Variants in RAG1 observed in about 807,000 individuals in gnomAD.
RAG1 encodes recombination activating 1, also known as V(D)J recombination-activating protein 1.
A neutral mutation model predicts 62.7 loss-of-function variants in RAG1; 35 were observed. The ratio of observed to expected loss-of-function variants is 0.56; its 90% CI spans 0.43 to 0.74. The LOEUF (loss-of-function observed/expected upper bound fraction) is 0.74. Ranked by LOEUF, RAG1 falls within the 30% of genes least tolerant of loss-of-function variation. RAG1 has a pLI of 0.00. For synonymous variants in RAG1, 461 were observed against 470.3 expected, an observed-to-expected ratio of 0.98 and a Z score of 0.26; for missense variants, 1,169 against 1,278.6, an observed-to-expected ratio of 0.91 and a Z score of 1.31.
At chr11:36,550,853 A>G (rs1307841810) in intron 3 of RAG1, among the ~76,000 whole-genome samples, 1 of 152,084 alleles carries the variant, frequency 6.6e-6, no homozygotes, top group African/African-American at 2.4e-5. Context: ...GTTCATATCA[A>G]TCCCACAGAA....
chr11:36,542,714 A>G (rs1166788482), intron 3 of RAG1, among the ~76,000 whole-genome samples: 1 of 152,230 alleles, frequency 6.6e-6, no homozygotes, highest in Admixed American at 6.5e-5. Flanking sequence ...ACTTTCAGTC[A>G]TATGAACTAG....
intron 3 of RAG1, among the ~76,000 whole-genome samples, chr11:36,545,050 G>A (rs1445045795): frequency 2.6e-5 from 4 of 152,110 alleles, no homozygotes; most frequent in African/African-American, 9.7e-5. Context: ...ATTACATTCC[G>A]TTGAAAAGAT....
At chr11:36,522,724 A>T (rs893180415) in intron 2 of RAG1, among the ~76,000 whole-genome samples, 1 of 152,194 alleles carries the variant, frequency 6.6e-6, no homozygotes, top group Non-Finnish European at 1.5e-5. Context: ...CTGTGAAAGC[A>T]ACTGGGAGGG....
Position 36,513,103 on chromosome 11 carries a change from G to T in RAG1, n.330+2065G>T, listed in dbSNP as rs192695146. ...CTTATAAAGGGACAAGTTTGGTTCA[G>T]CCCCGTCTTTCTCTCCATCTCTTTC... On this transcript the variant is annotated intron_variant and non_coding_transcript_variant, in intron 1 of 2. Coordinates refer to the RAG1 transcript ENST00000529126. 1.1e-4 allele frequency among the ~76,000 whole-genome samples: 16 copies of T among 152,272 alleles called. No homozygotes were observed. The East Asian group carries it at 2.5e-3, about 24-fold the overall frequency.
intron 1 of RAG1, among the ~76,000 whole-genome samples, chr11:36,514,721 T>G (rs1284951999): frequency 6.6e-6 from 1 of 152,200 alleles, no homozygotes; most frequent in African/African-American, 2.4e-5. Context: ...GGGTTTGTGC[T>G]CTTGTGAGAA....
intron 3 of RAG1, among the ~76,000 whole-genome samples, chr11:36,558,767 A>C (rs577098912): frequency 6.6e-6 from 1 of 152,220 alleles, no homozygotes; most frequent in East Asian, 1.9e-4. Context: ...ATTCACTTTC[A>C]ATGTTATTAT....
chr11:36,539,456 TCTG>T (rs1860381403), downstream of RAG1, among the ~76,000 whole-genome samples: 1 of 152,204 alleles, frequency 6.6e-6, no homozygotes, highest in South Asian at 2.1e-4. Context: ...AGAGACTTCT[TCTG>T]GGGATCTTGC....
intron 3 of RAG1, among the ~76,000 whole-genome samples, chr11:36,548,481 GACAA>G (rs1340888858): frequency 7.2e-5 from 11 of 152,192 alleles, no homozygotes; most frequent in Middle Eastern, 3.4e-3. Flanking sequence ...AGCAATAATA[GACAA>G]ACAGAGAGCC....
intron 1 of RAG1, among the ~76,000 whole-genome samples, chr11:36,519,622 G>C (rs1458140789): frequency 6.6e-6 from 1 of 152,126 alleles, no homozygotes; most frequent in African/African-American, 2.4e-5. Flanking sequence ...ATGACTTTAA[G>C]AAGGATTCCT....
At chr11:36,548,881 G>A (rs777752922) in intron 3 of RAG1, among the ~76,000 whole-genome samples, 4 of 152,064 alleles carry the variant, frequency 2.6e-5, no homozygotes, top group African/African-American at 7.2e-5. Context: ...TATACTACAA[G>A]GCTACAGGAA....
chr11:36,577,756 T>C lies in RAG1; in HGVS notation c.*1320T>C, dbSNP rs1241937828. The C allele has an allele frequency of 1.2e-5, 2 of 167,114 alleles. No homozygotes were observed. Among genetic ancestry groups the C allele is most frequent in the Admixed American group, 1.3e-4 (2 of 15,284 alleles). The allele number at this position is 167,114 out of a possible 1,614,324, so 10.4% of individuals were successfully genotyped here. A position where few individuals can be genotyped will look rare whatever the true frequency, so the allele number is the denominator to read the frequency against. ...TTGGAAATTTAACACAGTCCTTTTG[T>C]CTCCAAAGCCCTTCTTCTTTCCACC... On this transcript the variant is annotated 3_prime_UTR_variant, in exon 2 of 2. Coordinates refer to ENST00000299440, the MANE Select transcript of RAG1 (RefSeq NM_000448.3).
At chr11:36,546,285 G>A (rs1232423699) in intron 3 of RAG1, among the ~76,000 whole-genome samples, 1 of 152,138 alleles carries the variant, frequency 6.6e-6, no homozygotes, top group African/African-American at 2.4e-5. Flanking sequence ...ATATATTTAG[G>A]ATAGTTAGCT....
chr11:36,528,490 A>G (rs1397872673), intron 2 of RAG1, among the ~76,000 whole-genome samples: 2 of 152,186 alleles, frequency 1.3e-5, no homozygotes, highest in Non-Finnish European at 2.9e-5. Context: ...ATTTGTTTAA[A>G]GAAGTGTGTA....
At chr11:36,548,946 C>T (rs1034226369) in intron 3 of RAG1, among the ~76,000 whole-genome samples, 2 of 152,062 alleles carry the variant, frequency 1.3e-5, no homozygotes, top group Admixed American at 6.6e-5. Flanking sequence ...TGGAACCAAA[C>T]GGAAGCATTA....
chr11:36,573,160 G>A, intron 1 of RAG1, 131 bp from the exon 2 acceptor site: 1 of 926,824 alleles, frequency 1.1e-6, no homozygotes, highest in Non-Finnish European at 1.6e-6. Flanking sequence ...ATATATTAAG[G>A]TAGAAGATTT....
chr11:36,538,745 C>A (rs1270801191), downstream of RAG1, among the ~76,000 whole-genome samples: 1 of 152,136 alleles, frequency 6.6e-6, no homozygotes, highest in Non-Finnish European at 1.5e-5. Context: ...CCTTTGAAGT[C>A]TGCTTCTCAA....
chr11:36,520,287 T>A (rs1460312961), intron 2 of RAG1: 1 of 152,186 alleles, frequency 6.6e-6, no homozygotes, highest in Non-Finnish European at 1.5e-5. Context: ...TTTTTTTTTT[T>A]AGACAAAGTC....
In RAG1 at chr11:36,570,541, G is replaced by A. The variant is rs548403662; in HGVS notation, c.-15+2419G>A. On this transcript the variant is annotated intron_variant, in intron 1 of 1. Coordinates refer to ENST00000299440, the MANE Select transcript of RAG1 (RefSeq NM_000448.3). ...ACTTCCTTTGGATAAATACCCAGTA[G>A]TAGGACTGCTGGATCATATAATAAT... Among the ~76,000 whole-genome samples, 4 of 152,300 alleles carry A rather than the reference G, an allele frequency of 2.6e-5. No homozygotes were observed. The South Asian group carries it at 8.3e-4, about 32-fold the overall frequency.
rs1372092035 is a variant in RAG1, at chr11:36,577,236, T to G, written c.*800T>G. ...CTTAGCTATCAGAAGCCAAGTATGATTCTTTATTTTTACTTTTTCATTTCA... is the reference window on the plus strand; with the variant it reads ...CTTAGCTATCAGAAGCCAAGTATGAGTCTTTATTTTTACTTTTTCATTTCA... On this transcript the variant is annotated 3_prime_UTR_variant, in exon 2 of 2. Coordinates refer to ENST00000299440, the MANE Select transcript of RAG1 (RefSeq NM_000448.3). 1.2e-5 allele frequency: 2 copies of G among 167,016 alleles called. No homozygotes were observed. Among genetic ancestry groups the G allele is most frequent in the Non-Finnish European group, 2.9e-5 (2 of 68,128 alleles). The allele number at this position is 167,016 out of a possible 1,614,324, so 10.3% of individuals were successfully genotyped here. A position where few individuals can be genotyped will look rare whatever the true frequency, so the allele number is the denominator to read the frequency against.
Sources: gnomAD v4.1 joint callset for allele counts (sites outside exome capture counted in the v4.1 genomes callset) on GRCh38, gnomAD v4.1.1 for gene constraint, MANE v1.5 for transcripts, NCBI Gene and HGNC (gene_info 2026-07-23, HGNC 2026-07-21) for gene names.